LONP1: variants seen among roughly 807,000 people sequenced by gnomAD.
The protein encoded by LONP1 is lon peptidase 1, mitochondrial.
LONP1 carries 31 observed loss-of-function variants against 98.5 expected under a neutral mutation model. The ratio of observed to expected loss-of-function variants is 0.31; its 90% confidence interval spans 0.24 to 0.42. LONP1 has a LOEUF of 0.42. Among genes scored for constraint, LONP1 ranks in the 20% least tolerant of loss-of-function variants. The probability of loss-of-function intolerance (pLI) is 1.00; values close to 1 mark genes in which losing one functional copy is unlikely to be tolerated. For missense variants in LONP1, 1,336 were observed against 1,350.6 expected, an observed-to-expected ratio of 0.99 and a Z score of 0.17; for synonymous variants, 781 against 594.7, an observed-to-expected ratio of 1.31 and a Z score of -4.56.
chr19:5,708,444 T>A, intron 4 of LONP1, 41 bp from the exon 5 acceptor site: 1 of 517,964 alleles, frequency 1.9e-6, no homozygotes, highest in Non-Finnish European at 3.7e-6. Context: ...CCAGCAGTGC[T>A]CCAGCAGGGG....
chr19:5,714,831 G>C (rs555637294), intron 1 of LONP1: 1 of 150,976 alleles, frequency 6.6e-6, no homozygotes, highest in African/African-American at 2.4e-5. Context: ...TCTTGGCCAG[G>C]ATGGTCTTTA....
upstream of LONP1, chr19:5,720,430 A>T: frequency 1.7e-6 from 1 of 583,104 alleles, no homozygotes; most frequent in East Asian, 3.0e-5. Flanking sequence ...TTAGGAACTC[A>T]TGAGCAGCCT....
At chr19:5,701,629 A>C (rs1239979765) in intron 8 of LONP1, among the ~76,000 whole-genome samples, 1 of 152,158 alleles carries the variant, frequency 6.6e-6, no homozygotes, top group Non-Finnish European at 1.5e-5. Flanking sequence ...TCGTTCACTC[A>C]GTGCTCAATG....
chr19:5,709,751 A>C (rs1024440783), intron 4 of LONP1, among the ~76,000 whole-genome samples: 5 of 151,738 alleles, frequency 3.3e-5, no homozygotes, highest in Admixed American at 1.3e-4. Flanking sequence ...CTACTAAAAA[A>C]TACACAAAAA....
In LONP1 at chr19:5,691,983, T is replaced by TGGCCCAGACAGGGCCTGACATCCAGTTCC; in HGVS notation, c.*48_*49insGGAACTGGATGTCAGGCCCTGTCTGGGCC. The stretch of plus-strand genomic sequence containing the variant: ...GCGCGCTCCCCACAGCGCTCAGTTC[T>TGGCCCAGACAGGGCCTGACATCCAGTTCC]GGCCCAGACAGGGCCTGACATCCGC... On this transcript the variant is annotated 3_prime_UTR_variant, in exon 18 of 18. Coordinates refer to ENST00000360614, the MANE Select transcript of LONP1 (RefSeq NM_004793.4). 6.3e-7 allele frequency: 1 copy of TGGCCCAGACAGGGCCTGACATCCAGTTCC among 1,583,050 alleles called. No homozygotes were observed. The highest frequency in any genetic ancestry group is 8.6e-7 in the Non-Finnish European group (1 of 1,163,724).
At position 5,701,262 on chromosome 19, in the gene LONP1, G is replaced by A. The variant is rs574855779; in HGVS notation, c.1368-335C>T. Among the ~76,000 whole-genome samples, 64 of 152,300 alleles carry A rather than the reference G, an allele frequency of 4.2e-4. 1 individual carries two copies. Among genetic ancestry groups the A allele is most frequent in the South Asian group, 8.3e-4 (4 of 4,828 alleles). ...AGATCGAGACCATCCTGGCTAGCACGGTGAAACCCTGTCTCTACTAAAAAT... is the reference window on the plus strand; with the variant it reads ...AGATCGAGACCATCCTGGCTAGCACAGTGAAACCCTGTCTCTACTAAAAAT... On this transcript the variant is annotated intron_variant, in intron 8 of 17. Coordinates refer to ENST00000360614, the MANE Select transcript of LONP1 (RefSeq NM_004793.4).
In LONP1 at chr19:5,699,208, GCAGA is replaced by G. The variant is rs760443730; in HGVS notation, c.1507-7_1507-4del. 2.0e-6 allele frequency: 3 copies of G among 1,493,852 alleles called. No homozygotes were observed. Among genetic ancestry groups the G allele is most frequent in the Non-Finnish European group, 1.8e-6 (2 of 1,116,500 alleles). The allele number at this position is 1,493,852 out of a possible 1,614,324, so 92.5% of individuals were successfully genotyped here. A position where few individuals can be genotyped will look rare whatever the true frequency, so the allele number is the denominator to read the frequency against. ...AGCTGGCTAACGGCAATGAACTCCT[GCAGA>G]CAGAGGCAGGTTCAGTGGGCACGTG... On this transcript the variant is annotated splice_region_variant and splice_polypyrimidine_tract_variant and intron_variant, in intron 9 of 17. Coordinates refer to ENST00000360614, the MANE Select transcript of LONP1 (RefSeq NM_004793.4).
chr19:5,707,969 T>C, intron 5 of LONP1, 143 bp from the exon 6 acceptor site: 2 of 932,892 alleles, frequency 2.1e-6, no homozygotes, highest in East Asian at 5.3e-5. Context: ...GAGCCAGCTC[T>C]GCTGCTTGTT....
In LONP1 at chr19:5,694,840, G is replaced by A. The variant is rs2054897479; in HGVS notation, c.2075C>T (p.Ser692Leu). 1 of 1,604,794 alleles carries A rather than the reference G, an allele frequency of 6.2e-7. No individual in the cohort carries two copies. Among genetic ancestry groups the A allele is most frequent in the Non-Finnish European group, 8.5e-7 (1 of 1,173,314 alleles). Residue 692 changes from serine to leucine, a missense_variant, in exon 14 of 18, where the codon TCA becomes TTA. By Grantham distance (145) the Ser-to-Leu change is moderately radical. Around this residue, in one of 5 missense-constraint regions of LONP1, gnomAD observed 555 missense variants for 542.6 expected, o/e 1.02. Coordinates refer to ENST00000360614, the MANE Select transcript of LONP1 (RefSeq NM_004793.4). ...GATGAGCAGCGTCAGCACGTCCGAT[G>A]ACAGCTTGGCCTTGCTCTCATCCAA... ...CGLDESKAKL[S>L]SDVLTLLIKQ...
chr19:5,699,230 G>A, intron 9 of LONP1, 25 bp from the exon 10 acceptor site: 2 of 1,474,414 alleles, frequency 1.4e-6, no homozygotes, highest in Non-Finnish European at 1.8e-6. Context: ...AGGTTCAGTG[G>A]GCACGTGAGC....
chr19:5,711,282 G>C (rs192470262), intron 4 of LONP1, among the ~76,000 whole-genome samples: 2 of 152,222 alleles, frequency 1.3e-5, no homozygotes, highest in African/African-American at 4.8e-5. Flanking sequence ...TCCCTACAGC[G>C]GGAGGGCAGG....
chr19:5,702,559 G>GACA (rs745680078), intron 8 of LONP1, among the ~76,000 whole-genome samples: 46 of 151,602 alleles, frequency 3.0e-4, no homozygotes, highest in Middle Eastern at 3.4e-3. Flanking sequence ...GGGCCATGAT[G>GACA]ACAATGGCAG....
At position 5,707,704 on chromosome 19, in the gene LONP1, T is replaced by G; in HGVS notation, c.1055A>C (p.Glu352Ala). 6 of 1,610,282 alleles carry G rather than the reference T, an allele frequency of 3.7e-6. No individual in the cohort carries two copies. The highest frequency in any genetic ancestry group is 5.1e-6 in the Non-Finnish European group (6 of 1,177,596). ...GAGGTGACGAGCACTCACATTGGTC[T>G]CTTCCAGGACGTCCTGCAGCTCATG... ...ESHELQDVLE[E>A]TNIPKRLYKA... Residue 352 changes from glutamate to alanine, a missense_variant, in exon 6 of 18, where the codon GAG becomes GCG. This residue lies in a region of LONP1 where 97 missense variants were observed against 139.0 expected (regional missense o/e 0.70). Coordinates refer to ENST00000360614, the MANE Select transcript of LONP1 (RefSeq NM_004793.4).
At chr19:5,692,338 C>A in intron 17 of LONP1, 130 bp from the exon 18 acceptor site, 1 of 826,018 alleles carries the variant, frequency 1.2e-6, no homozygotes, top group Non-Finnish European at 1.8e-6. Flanking sequence ...GCAGTAAGTC[C>A]CAAAACCCAC....
chr19:5,696,195 G>C, intron 12 of LONP1, 25 bp from the exon 13 acceptor site: 1 of 1,612,772 alleles, frequency 6.2e-7, no homozygotes, highest in Non-Finnish European at 8.5e-7. Context: ...AAGGTGCTGG[G>C]GGACTGGCCG....
chr19:5,711,827 T>G lies in LONP1; in HGVS notation c.814A>C (p.Met272Leu), dbSNP rs769249254. 1.2e-6 allele frequency: 2 copies of G among 1,612,810 alleles called. No individual in the cohort carries two copies. Among genetic ancestry groups the G allele is most frequent in the Non-Finnish European group, 1.7e-6 (2 of 1,179,908 alleles). Residue 272 changes from methionine (M) to leucine (L), a missense_variant, in exon 4 of 18, where the codon ATG becomes CTG. Transcript: ENST00000360614. Reference protein sequence around the residue: ...PTPELPAEVLMVEVENVVHED... With the variant: ...PTPELPAEVLLVEVENVVHED... ...TGGACAACGTTCTCTACCTCCACCATGAGCACCTCAGCCGGGAGCTCAGGG... is the reference window on the plus strand; with the variant it reads ...TGGACAACGTTCTCTACCTCCACCAGGAGCACCTCAGCCGGGAGCTCAGGG...
At chr19:5,698,654 C>T (rs1011298978) in intron 10 of LONP1, among the ~76,000 whole-genome samples, 1 of 152,192 alleles carries the variant, frequency 6.6e-6, no homozygotes, top group Non-Finnish European at 1.5e-5. Context: ...CGACCCCACC[C>T]CTAGTCCTGG....
At chr19:5,700,127 T>G (rs2055013988) in intron 9 of LONP1, among the ~76,000 whole-genome samples, 1 of 151,856 alleles carries the variant, frequency 6.6e-6, no homozygotes, top group Non-Finnish European at 1.5e-5. Context: ...TTTTTTTCCT[T>G]TTTGAGACGG....
In LONP1 at chr19:5,712,798, T is replaced by A. The variant is rs4807811; in HGVS notation, c.638+336A>T. Among the ~76,000 whole-genome samples the A allele has an allele frequency of 0.017, 2,614 of 151,794 alleles. 45 individuals are homozygous for A. Among genetic ancestry groups the A allele is most frequent in the East Asian group, 0.035 (182 of 5,164 alleles). ...GCATGAGCCACCACATCCAGCTAAT[T>A]TTTCTACATTTTTTGCAGAGATGGG... On this transcript the variant is annotated intron_variant, in intron 3 of 17. Transcript: ENST00000360614.
Sources: allele counts gnomAD v4.1 joint callset (sites outside exome capture counted in the v4.1 genomes callset), GRCh38; gene constraint gnomAD v4.1.1; regional missense constraint gnomAD v4.1.1; transcripts MANE v1.5; gene names NCBI Gene and HGNC (gene_info 2026-07-23, HGNC 2026-07-21).